Variants in NEGR1 observed in about 807,000 individuals in gnomAD.
The protein encoded by NEGR1 is IgLON family member 4.
NEGR1 carries 10 observed loss-of-function variants against 40.9 expected under a neutral mutation model. The ratio of observed to expected loss-of-function variants is 0.24; its 90% CI spans 0.15 to 0.42. The LOEUF is 0.42. Among genes scored for constraint, NEGR1 ranks in the 10% least tolerant of loss-of-function variants. NEGR1 has a pLI of 1.00. For synonymous variants in NEGR1, 185 were observed against 166.8 expected (o/e 1.11, Z -0.84); for missense variants, 352 against 438.9 (o/e 0.80, Z 1.77).
chr1:71,887,633 T>C (rs745588552), intron 2 of NEGR1, among the ~76,000 whole-genome samples: 1 of 152,168 alleles, frequency 6.6e-6, no homozygotes, highest in Non-Finnish European at 1.5e-5. Flanking sequence ...ACATTCATCA[T>C]TTCCTTTTGT....
rs77110327 is a variant in NEGR1 at position 71,965,207 on chromosome 1, C to T, written c.177-29896G>A. Among the ~76,000 whole-genome samples the T allele has an allele frequency of 1.0e-3, 155 of 152,232 alleles. 3 individuals are homozygous for T. The East Asian group carries it at 0.026, about 26-fold the overall frequency. ...GAAGACTTGATCCTGGAAGCAGAAG[C>T]AGCTAACTTGTGAATATAAAGGTAG... On this transcript the variant is annotated intron_variant, in intron 1 of 6. Coordinates refer to ENST00000357731, the MANE Select transcript of NEGR1 (RefSeq NM_173808.3).
At chr1:72,156,941 T>TTTG (rs71074822) in intron 1 of NEGR1, among the ~76,000 whole-genome samples, 49,256 of 149,684 alleles carry the variant, frequency 0.33, 9,553 homozygotes, top group Non-Finnish European at 0.45. Flanking sequence ...TTGTATGTGT[T>TTTG]TTGTTGTTGT....
At chr1:71,841,305 C>T (rs1468761680) in intron 2 of NEGR1, among the ~76,000 whole-genome samples, 1 of 152,062 alleles carries the variant, frequency 6.6e-6, no homozygotes, top group Non-Finnish European at 1.5e-5. Flanking sequence ...GACGTTAGGT[C>T]TCCTAGGCAT....
intron 2 of NEGR1, among the ~76,000 whole-genome samples, chr1:71,815,782 T>C (rs1272706778): frequency 6.6e-6 from 1 of 152,052 alleles, no homozygotes; most frequent in Non-Finnish European, 1.5e-5. Context: ...TTTAGCCAAA[T>C]GTGCTATTGG....
chr1:71,879,975 CAT>C (rs1225236228), intron 2 of NEGR1, among the ~76,000 whole-genome samples: 1 of 152,060 alleles, frequency 6.6e-6, no homozygotes, highest in Non-Finnish European at 1.5e-5. Flanking sequence ...TATAGTAAGA[CAT>C]ATCTTTTCAT....
chr1:72,257,321 CAAAAAAAAAAAA>C (rs34220734), intron 1 of NEGR1, among the ~76,000 whole-genome samples: 1 of 57,134 alleles, frequency 1.8e-5, no homozygotes, highest in Admixed American at 2.2e-4. Context: ...GACTCTGTCT[CAAAAAAAAAAAA>C]AAAAAAAAAA....
chr1:71,640,372 T>C (rs1228193503), intron 4 of NEGR1, among the ~76,000 whole-genome samples: 1 of 152,032 alleles, frequency 6.6e-6, no homozygotes, highest in Non-Finnish European at 1.5e-5. Flanking sequence ...AAAGGATGCA[T>C]TGATATCTCA....
Position 71,403,923 on chromosome 1 carries a change from C to T in NEGR1, c.*3523G>A, listed in dbSNP as rs957755117. On this transcript the variant is annotated 3_prime_UTR_variant, in exon 7 of 7. Coordinates refer to ENST00000357731, the MANE Select transcript of NEGR1 (RefSeq NM_173808.3). ...TATTCATATCTATTGAAATACTGTA[C>T]ATCCACATACTTCAATAAATAGTTA... 8.0e-6 allele frequency: 3 copies of T among 377,132 alleles called. No individual in the cohort carries two copies. The highest frequency in any genetic ancestry group is 1.4e-5 in the Non-Finnish European group (3 of 210,756). 23.4% of individuals were successfully genotyped at this position (377,132 alleles called of 1,614,324 possible).
intron 1 of NEGR1, among the ~76,000 whole-genome samples, chr1:72,040,577 C>CAAAAAA (rs5775102): frequency 1.2e-3 from 37 of 29,702 alleles, no homozygotes; most frequent in Admixed American, 1.9e-3. Context: ...GAGCACTGAC[C>CAAAAAA]AAAAAAAAAA....
At chr1:71,672,962 G>A (rs1057312191) in intron 4 of NEGR1, among the ~76,000 whole-genome samples, 1 of 152,124 alleles carries the variant, frequency 6.6e-6, no homozygotes, top group Admixed American at 6.5e-5. Flanking sequence ...ATGGCCGGGT[G>A]CGGTGGCTCA....
chr1:71,869,340 A>T (rs1166692797), intron 2 of NEGR1, among the ~76,000 whole-genome samples: 1 of 152,194 alleles, frequency 6.6e-6, no homozygotes, highest in Non-Finnish European at 1.5e-5. Flanking sequence ...TGAGCCTATA[A>T]ATTAAAGCTA....
At chr1:72,000,288 C>T (rs1047177204) in intron 1 of NEGR1, among the ~76,000 whole-genome samples, 1 of 151,966 alleles carries the variant, frequency 6.6e-6, no homozygotes, top group Admixed American at 6.6e-5. Flanking sequence ...CTGATAAGCA[C>T]ATTACACATA....
chr1:71,700,220 A>T (rs1653641142), intron 3 of NEGR1, among the ~76,000 whole-genome samples: 1 of 152,014 alleles, frequency 6.6e-6, no homozygotes, highest in Non-Finnish European at 1.5e-5. Flanking sequence ...AGTTAACCTT[A>T]AACTTATGAG....
At chr1:71,733,837 A>T (rs909619787) in intron 3 of NEGR1, among the ~76,000 whole-genome samples, 4 of 152,202 alleles carry the variant, frequency 2.6e-5, no homozygotes, top group Non-Finnish European at 5.9e-5. Flanking sequence ...TTCCTAAAAA[A>T]ATCCAAGAAA....
intron 6 of NEGR1, among the ~76,000 whole-genome samples, chr1:71,505,296 T>C (rs192011858): frequency 4.6e-5 from 7 of 152,224 alleles, no homozygotes; most frequent in Admixed American, 2.0e-4. Context: ...TCTTTTTTTT[T>C]CTTTTTTTTG....
At chr1:71,648,992 T>G (rs1175344784) in intron 4 of NEGR1, among the ~76,000 whole-genome samples, 1 of 152,098 alleles carries the variant, frequency 6.6e-6, no homozygotes, top group East Asian at 1.9e-4. Context: ...CTTTCCCTGA[T>G]CTTCTCAGTT....
chr1:71,560,591 A>C (rs958363437), intron 6 of NEGR1, among the ~76,000 whole-genome samples: 22 of 151,042 alleles, frequency 1.5e-4, no homozygotes, highest in Non-Finnish European at 2.8e-4. Flanking sequence ...TGTGAGCACA[A>C]ATTCCCTTTC....
At chr1:71,838,513 G>A (rs1208387151) in intron 2 of NEGR1, among the ~76,000 whole-genome samples, 14 of 152,094 alleles carry the variant, frequency 9.2e-5, no homozygotes, top group Admixed American at 9.2e-4. Context: ...ATACATTAAG[G>A]TGTTGATAAT....
At chr1:71,917,348 T>C (rs1363311196) in intron 2 of NEGR1, among the ~76,000 whole-genome samples, 1 of 152,216 alleles carries the variant, frequency 6.6e-6, no homozygotes, top group African/African-American at 2.4e-5. Context: ...GTCTGAAATA[T>C]ATAGCTTTCT....
Sources: allele counts gnomAD v4.1 joint callset (sites outside exome capture counted in the v4.1 genomes callset), GRCh38; gene constraint gnomAD v4.1.1; transcripts MANE v1.5; gene names NCBI Gene and HGNC (gene_info 2026-07-23, HGNC 2026-07-21).